SPTA1: variants seen among roughly 807,000 people sequenced by gnomAD.
SPTA1 encodes the protein spectrin alpha, erythrocytic 1, also known as spectrin alpha chain, erythrocytic 1.
Under a neutral mutation model 324.7 loss-of-function variants are expected in SPTA1, and 177 were observed. That is an observed-to-expected ratio of 0.55 (90% CI 0.48 to 0.62). The LOEUF is 0.62. SPTA1 is among the 20% of genes least tolerant of loss of function. The pLI is 0.00. For missense variants in SPTA1, 3,162 were observed against 2,883.6 expected (o/e 1.10, Z -2.21); for synonymous variants, 1,195 against 1,041.3 (o/e 1.15, Z -2.84).
chr1:158,685,630 C>T (rs575432561), intron 1 of SPTA1, among the ~76,000 whole-genome samples: 2 of 152,140 alleles, frequency 1.3e-5, no homozygotes, highest in African/African-American at 2.4e-5. Context: ...TTGGACTGAT[C>T]ATGGAGCAAG....
rs1386481758 is a variant in SPTA1, at chr1:158,615,339, T to G, written c.6665A>C (p.Asn2222Thr). The G allele has an allele frequency of 1.2e-6, 2 of 1,614,084 alleles. No individual in the cohort carries two copies. Among genetic ancestry groups the G allele is most frequent in the South Asian group, 2.2e-5 (2 of 91,084 alleles). Reference protein sequence around the residue: ...QLTKIVDLGDNLEDALILDIK... With the variant: ...QLTKIVDLGDTLEDALILDIK... ...ATCAAGGATCAGAGCGTCTTCCAAG[T>G]TGTCCCCCAGGTCCACAATCTTGGT... The change falls in exon 48 of 52, where the codon AAC becomes ACC. Residue 2222 changes from asparagine to threonine, a missense_variant. Transcript: ENST00000643759.
intron 33 of SPTA1, among the ~76,000 whole-genome samples, chr1:158,640,214 T>C (rs1053284931): frequency 2.6e-5 from 4 of 152,198 alleles, no homozygotes; most frequent in African/African-American, 7.2e-5. Flanking sequence ...AAAAGGGTCC[T>C]GTGTTGAGTA....
At chr1:158,653,852 G>A (rs1018190104) in intron 21 of SPTA1, among the ~76,000 whole-genome samples, 1 of 152,100 alleles carries the variant, frequency 6.6e-6, no homozygotes, top group Non-Finnish European at 1.5e-5. Context: ...GAATTGCTCT[G>A]ACATTCATAT....
intron 45 of SPTA1, among the ~76,000 whole-genome samples, chr1:158,618,674 C>T (rs1649723625): frequency 6.6e-6 from 1 of 152,146 alleles, no homozygotes; most frequent in Non-Finnish European, 1.5e-5. Context: ...TCACTTGATT[C>T]TCATTAGAAC....
At chr1:158,684,582 C>T (rs1655037845) in intron 2 of SPTA1, among the ~76,000 whole-genome samples, 1 of 152,048 alleles carries the variant, frequency 6.6e-6, no homozygotes, top group South Asian at 2.1e-4. Flanking sequence ...TATTTAGAGG[C>T]AGAATTACTG....
At chr1:158,620,643 G>A (rs373720410) in intron 43 of SPTA1, 177 bp from the exon 44 acceptor site, 21 of 697,028 alleles carry the variant, frequency 3.0e-5, no homozygotes, top group Non-Finnish European at 4.4e-5. Flanking sequence ...GTGAGTTAGC[G>A]GTACGAGCCC....
At position 158,649,989 on chromosome 1, in the gene SPTA1, C is replaced by T. The variant is rs368461225; in HGVS notation, c.3478-42G>A. ...CATCAGACTTGAGACAGAGAACTAA[C>T]TCACATGGCTCAGTGGCGTCTGAAG... On this transcript the variant is annotated intron_variant, in intron 24 of 51. Coordinates refer to ENST00000643759, the MANE Select transcript of SPTA1 (RefSeq NM_003126.4). The T allele has an allele frequency of 5.4e-5, 73 of 1,364,412 alleles. No individual in the cohort carries two copies. The African/African-American group carries it at 9.1e-4, about 17-fold the overall frequency. The allele number at this position is 1,364,412 out of a possible 1,614,324, so 84.5% of individuals were successfully genotyped here. A position where few individuals can be genotyped will look rare whatever the true frequency, so the allele number is the denominator to read the frequency against.
rs189778672 is a variant in SPTA1, at chr1:158,666,284, G to T, written c.2220+32C>A. The T allele has an allele frequency of 1.6e-5, 26 of 1,611,560 alleles. No individual in the cohort carries two copies. The East Asian group carries it at 2.2e-4, about 14-fold the overall frequency. ...TGTGCTCAGAGCATATACACCCATT[G>T]CTTATGGCTGGCCAAAGAGCTAACA... On this transcript the variant is annotated intron_variant, in intron 16 of 51. Coordinates refer to ENST00000643759, the MANE Select transcript of SPTA1 (RefSeq NM_003126.4).
At position 158,625,181 on chromosome 1, in the gene SPTA1, A is replaced by G. The variant is rs566751382; in HGVS notation, c.5910+965T>C. Among the ~76,000 whole-genome samples, 5 of 152,366 alleles carry G rather than the reference A, an allele frequency of 3.3e-5. No homozygotes were observed. The East Asian group carries it at 9.6e-4, about 29-fold the overall frequency. ...GATAAAAATGTTTCAAAAAACCCTA[A>G]AAAGTGGAAATAGATATTTCTGCAG... is the stretch of plus-strand genomic sequence containing the variant. On this transcript the variant is annotated intron_variant, in intron 42 of 51. Transcript: ENST00000643759.
In SPTA1 at chr1:158,681,633, A is replaced by G; in HGVS notation, c.425T>C (p.Leu142Pro). ...CTTCTCCAGGGTCAGCTCTAACAGC[A>G]GGTCCCACAGGTGGCGTAGCTCCTC... Reference protein sequence around the residue: ...HIEELRHLWDLLLELTLEKGD... With the variant: ...HIEELRHLWDPLLELTLEKGD... Residue 142 changes from leucine (L) to proline (P), a missense_variant, in exon 4 of 52, where the codon CTG becomes CCG. Coordinates refer to ENST00000643759, the MANE Select transcript of SPTA1 (RefSeq NM_003126.4). 3.1e-6 allele frequency: 5 copies of G among 1,613,784 alleles called. No homozygotes were observed. Among genetic ancestry groups the G allele is most frequent in the Non-Finnish European group, 4.2e-6 (5 of 1,179,776 alleles).
Position 158,652,494 on chromosome 1 carries a change from C to T in SPTA1, c.3348G>A (p.Leu1116=), listed in dbSNP as rs773776083. ...TTTGGAACTCATCAAACTTTTTCTG[C>T]AGCTCCCAAACATCATCTAGTTCCA... ...TGVELDDVWE[L]QKKFDEFQKD... Residue 1116 remains leucine (L), a synonymous_variant, in exon 23 of 52, where the codon CTG becomes CTA. Coordinates refer to ENST00000643759, the MANE Select transcript of SPTA1 (RefSeq NM_003126.4). 4.5e-5 allele frequency: 73 copies of T among 1,614,036 alleles called. No homozygotes were observed. The highest frequency in any genetic ancestry group is 5.6e-5 in the Non-Finnish European group (66 of 1,180,024).
intron 12 of SPTA1, 132 bp downstream of exon 12, chr1:158,671,211 T>A: frequency 1.4e-6 from 1 of 705,608 alleles, no homozygotes. Context: ...AAAGAAGAGA[T>A]GCAACTTGAT....
At chr1:158,662,152 C>T (rs1029691692) in intron 17 of SPTA1, among the ~76,000 whole-genome samples, 4 of 152,188 alleles carry the variant, frequency 2.6e-5, no homozygotes, top group Non-Finnish European at 5.9e-5. Context: ...TTTCATTGTC[C>T]TCATTGTCCA....
intron 5 of SPTA1, among the ~76,000 whole-genome samples, chr1:158,679,532 G>A (rs532075132): frequency 6.6e-6 from 1 of 152,128 alleles, no homozygotes; most frequent in East Asian, 1.9e-4. Context: ...TAAGAAGCAT[G>A]GTCTACTGCA....
At position 158,669,853 on chromosome 1, in the gene SPTA1, G is replaced by T. The variant is rs191309165; in HGVS notation, c.1600-67C>A. 28 of 1,520,256 alleles carry T rather than the reference G, an allele frequency of 1.8e-5. No homozygotes were observed. The East Asian group carries it at 2.0e-4, about 11-fold the overall frequency. 94.2% of individuals were successfully genotyped at this position (1,520,256 alleles called of 1,614,324 possible). A position where few individuals can be genotyped will look rare whatever the true frequency, so the allele number is the denominator to read the frequency against. The stretch of plus-strand genomic sequence containing the variant: ...ACCACTGAGTAAGTGGCCATAGTTT[G>T]GGTAGCTGTTTAAAGATGAAGAACA... On this transcript the variant is annotated intron_variant, in intron 12 of 51. Coordinates refer to ENST00000643759, the MANE Select transcript of SPTA1 (RefSeq NM_003126.4).
rs1335786858 is a variant in SPTA1 at position 158,659,852 on chromosome 1, C to T, written c.2587+1435G>A. ...GTCTCGATCTCCTGACCTCATGATC[C>T]ACTCGCCTCGGCCTCCCAAAGTGCT... is the stretch of plus-strand genomic sequence containing the variant. On this transcript the variant is annotated intron_variant, in intron 18 of 51. Coordinates refer to ENST00000643759, the MANE Select transcript of SPTA1 (RefSeq NM_003126.4). 3.2e-5 allele frequency among the ~76,000 whole-genome samples: 2 copies of T among 61,732 alleles called. 1 individual carries two copies. Among genetic ancestry groups the T allele is most frequent in the East Asian group, 1.2e-3 (2 of 1,644 alleles). 40.5% of individuals were successfully genotyped at this position (61,732 alleles called of 152,430 possible).
At position 158,669,524 on chromosome 1, in the gene SPTA1, T is replaced by C; in HGVS notation, c.1717A>G (p.Thr573Ala). 1.2e-6 allele frequency: 2 copies of C among 1,614,148 alleles called. No individual in the cohort carries two copies. The highest frequency in any genetic ancestry group is 1.3e-5 in the African/African-American group (1 of 75,042). Residue 573 changes from threonine to alanine, a missense_variant, in exon 14 of 52, where the codon ACT becomes GCT. Coordinates refer to ENST00000643759, the MANE Select transcript of SPTA1 (RefSeq NM_003126.4). ...GACTCCTTCAGCAATCTACGTCTAG[T>C]GGCAGCCTTTTCACGTAGGGCATCC... Reference protein sequence around the residue: ...RRDALREKAATRRRLLKESLL... With the variant: ...RRDALREKAAARRRLLKESLL...
At chr1:158,634,084 A>T (rs549334099) in intron 39 of SPTA1, among the ~76,000 whole-genome samples, 1 of 152,216 alleles carries the variant, frequency 6.6e-6, no homozygotes. Flanking sequence ...ATTTAAAAGG[A>T]TGTCTATAAA....
chr1:158,633,758 A>G lies in SPTA1; in HGVS notation c.5565+785T>C, dbSNP rs151047268. ...TTGATAGGAAGCCTTAAAATGCTTG[A>G]ACATGTGCAGTGGGGTGCACATGCA... On this transcript the variant is annotated intron_variant, in intron 39 of 51. Coordinates refer to ENST00000643759, the MANE Select transcript of SPTA1 (RefSeq NM_003126.4). Among the ~76,000 whole-genome samples the G allele has an allele frequency of 4.1e-4, 63 of 152,214 alleles. No homozygotes were observed. In the East Asian group the frequency reaches 0.012, roughly 29 times the overall value.
Sources: gnomAD v4.1 joint callset for allele counts (sites outside exome capture counted in the v4.1 genomes callset) on GRCh38, gnomAD v4.1.1 for gene constraint, MANE v1.5 for transcripts, NCBI Gene and HGNC (gene_info 2026-07-23, HGNC 2026-07-21) for gene names.